Variants in TACC2 observed in about 807,000 individuals in gnomAD.
TACC2 encodes the protein transforming acidic coiled-coil containing protein 2, also known as transforming acidic coiled-coil-containing protein 2.
In TACC2, 137 loss-of-function variants were observed where a neutral mutation model predicts 227.3. The observed-to-expected ratio is 0.60, with a 90% CI of 0.52 to 0.69. The LOEUF (loss-of-function observed/expected upper bound fraction) is 0.69, where lower values mean the gene tolerates loss of function less well. Among genes scored for constraint, TACC2 ranks in the 30% least tolerant of loss-of-function variants. TACC2 has a pLI of 0.00. For missense variants in TACC2, 3,470 were observed against 3,694.4 expected (o/e 0.94, Z 1.57); for synonymous variants, 1,523 against 1,487.5 (o/e 1.02, Z -0.55).
Position 122,222,074 on chromosome 10 carries a change from G to A in TACC2, c.7547-2652G>A, listed in dbSNP as rs190886188. Reference sequence around the variant, plus strand: ...TCTTCAGCTAGGAGCAGCCACACACGTTAGCAAGGACCATCTCCTCCAGTT... The same window carrying A: ...TCTTCAGCTAGGAGCAGCCACACACATTAGCAAGGACCATCTCCTCCAGTT... On this transcript the variant is annotated intron_variant, in intron 11 of 22. Transcript: ENST00000369005. Among the ~76,000 whole-genome samples the A allele has an allele frequency of 1.1e-4, 16 of 152,334 alleles. No homozygotes were observed. In the East Asian group the frequency reaches 1.5e-3, roughly 15 times the overall value.
At chr10:122,182,574 A>G (rs2094006887) in intron 7 of TACC2, among the ~76,000 whole-genome samples, 1 of 152,182 alleles carries the variant, frequency 6.6e-6, no homozygotes, top group African/African-American at 2.4e-5. Context: ...CAGGGGCGTG[A>G]TTGTCCTGTG....
At chr10:122,167,169 G>A (rs968838438) in intron 7 of TACC2, among the ~76,000 whole-genome samples, 2 of 152,198 alleles carry the variant, frequency 1.3e-5, no homozygotes, top group East Asian at 1.9e-4. Flanking sequence ...TGGCAAAGTC[G>A]GCCTGCCCCG....
intron 6 of TACC2, among the ~76,000 whole-genome samples, chr10:122,135,354 A>C (rs1472439136): frequency 6.6e-6 from 1 of 152,188 alleles, no homozygotes; most frequent in Non-Finnish European, 1.5e-5. Flanking sequence ...GTGACCACAG[A>C]ATGCAGGAGG....
intron 3 of TACC2, among the ~76,000 whole-genome samples, chr10:122,080,115 G>A (rs991811783): frequency 2.0e-5 from 3 of 152,102 alleles, no homozygotes; most frequent in African/African-American, 7.2e-5. Flanking sequence ...GGTTTCTGGT[G>A]AGGCCTTTCT....
intron 2 of TACC2, among the ~76,000 whole-genome samples, chr10:122,045,704 A>G (rs745648765): frequency 6.6e-6 from 1 of 152,234 alleles, no homozygotes; most frequent in Non-Finnish European, 1.5e-5. Context: ...AATGGAAAAC[A>G]TGATTTTACC....
intron 3 of TACC2, among the ~76,000 whole-genome samples, chr10:122,059,416 T>C (rs1461578625): frequency 2.0e-5 from 3 of 152,062 alleles, no homozygotes; most frequent in Non-Finnish European, 4.4e-5. Flanking sequence ...GTGTTTGTAA[T>C]AAGAATCCCA....
chr10:122,221,485 C>T (rs1386211837), intron 11 of TACC2, among the ~76,000 whole-genome samples: 3 of 152,168 alleles, frequency 2.0e-5, no homozygotes, highest in African/African-American at 7.2e-5. Flanking sequence ...GTCCCTCCTT[C>T]CCACTCTGAC....
In TACC2 at chr10:122,141,648, A is replaced by G. The variant is rs2090567868; in HGVS notation, c.5700-1924A>G. Among the ~76,000 whole-genome samples the G allele has an allele frequency of 6.6e-6, 1 of 151,946 alleles. No individual in the cohort carries two copies. Among genetic ancestry groups the G allele is most frequent in the Admixed American group, 6.6e-5 (1 of 15,258 alleles). On this transcript the variant is annotated intron_variant, in intron 6 of 22. Coordinates refer to ENST00000369005, the MANE Select transcript of TACC2 (RefSeq NM_206862.4). The surrounding 1 kb of genome is among the most constrained non-coding windows in gnomAD (Gnocchi z 4.3). ...CTGTCACAGAGCTGGCTTTGTTGTG[A>G]TTAGCAGCGGGCCACAGATCTAAGG... is the stretch of plus-strand genomic sequence containing the variant.
intron 7 of TACC2, among the ~76,000 whole-genome samples, chr10:122,163,075 C>A (rs2092919511): frequency 6.6e-6 from 1 of 151,934 alleles, no homozygotes; most frequent in Non-Finnish European, 1.5e-5. Flanking sequence ...AGGCTAGCCC[C>A]GGGCTGGCTG....
intron 3 of TACC2, among the ~76,000 whole-genome samples, chr10:122,072,297 T>C (rs1205613305): frequency 6.6e-6 from 1 of 152,208 alleles, no homozygotes; most frequent in African/African-American, 2.4e-5. Flanking sequence ...TTCAGTCATC[T>C]ATTGCCTGGA....
At chr10:122,120,768 T>G (rs1397703522) in intron 5 of TACC2, among the ~76,000 whole-genome samples, 1 of 146,524 alleles carries the variant, frequency 6.8e-6, no homozygotes, top group East Asian at 2.0e-4. Flanking sequence ...TCTTTCTTTC[T>G]TTTTTTTTTT....
At chr10:122,175,866 A>C (rs113941548) in intron 7 of TACC2, among the ~76,000 whole-genome samples, 2,332 of 152,294 alleles carry the variant, frequency 0.015, 34 homozygotes, top group East Asian at 0.069. Context: ...CAGGAGTTAG[A>C]GACCAGCCTG....
At chr10:121,994,617 C>G (rs1189496984) in intron 1 of TACC2, 1 of 152,364 alleles carries the variant, frequency 6.6e-6, no homozygotes, top group Non-Finnish European at 1.5e-5. Flanking sequence ...GGAAGACAGA[C>G]TGCGGGTGGA....
chr10:122,210,642 A>T lies in TACC2; in HGVS notation c.6217A>T (p.Thr2073Ser). 6.2e-7 allele frequency: 1 copy of T among 1,614,080 alleles called. No individual in the cohort carries two copies. The highest frequency in any genetic ancestry group is 8.5e-7 in the Non-Finnish European group (1 of 1,180,028). The change falls in exon 9 of 23, where the codon ACG becomes TCG. Residue 2073 changes from threonine (T) to serine (S), a missense_variant. Coordinates refer to ENST00000369005, the MANE Select transcript of TACC2 (RefSeq NM_206862.4). This position sits in a 1 kb window ranked among gnomAD's most constrained non-coding sequence, Gnocchi z 4.6. ...EGKVNTRRKS[T>S]DSVPISKSTL... ...CAAAGTGAACACACGGAGGAAGTCCACGGATTCCGTCCCCATCTCTAAGTC... is the reference window on the plus strand; with the variant it reads ...CAAAGTGAACACACGGAGGAAGTCCTCGGATTCCGTCCCCATCTCTAAGTC...
chr10:122,137,339 C>T (rs1021283468), intron 6 of TACC2, among the ~76,000 whole-genome samples: 3 of 151,124 alleles, frequency 2.0e-5, no homozygotes, highest in Admixed American at 1.3e-4. Flanking sequence ...AAAAATCAGC[C>T]GGTTGTGGTG....
chr10:122,008,266 T>TA (rs1554958022), intron 1 of TACC2, among the ~76,000 whole-genome samples: 170 of 139,866 alleles, frequency 1.2e-3, no homozygotes, highest in Middle Eastern at 3.6e-3. Context: ...TTATTATTAT[T>TA]TTTTTTTTTT....
chr10:122,219,471 T>C (rs1206976446), intron 11 of TACC2, among the ~76,000 whole-genome samples: 2 of 152,200 alleles, frequency 1.3e-5, no homozygotes, highest in African/African-American at 2.4e-5. Context: ...CTCAACGTCG[T>C]AGGGGCTAAA....
intron 5 of TACC2, among the ~76,000 whole-genome samples, chr10:122,114,081 G>A (rs1433589558): frequency 6.6e-6 from 1 of 152,208 alleles, no homozygotes; most frequent in East Asian, 1.9e-4. Context: ...TTGAAATACA[G>A]CTGAAATAGA....
intron 7 of TACC2, among the ~76,000 whole-genome samples, chr10:122,172,392 C>G (rs1185971216): frequency 1.3e-5 from 2 of 152,172 alleles, no homozygotes; most frequent in African/African-American, 4.8e-5. Flanking sequence ...ACCACCCTTC[C>G]TGGGGCTCAG....
Sources: allele counts gnomAD v4.1 joint callset (sites outside exome capture counted in the v4.1 genomes callset), GRCh38; gene constraint gnomAD v4.1.1; non-coding constraint Gnocchi (gnomAD v3.1); transcripts MANE v1.5; gene names NCBI Gene and HGNC (gene_info 2026-07-23, HGNC 2026-07-21).